PCGF5: variants seen among roughly 807,000 people sequenced by gnomAD.
PCGF5 encodes polycomb group ring finger 5, also known as polycomb group RING finger protein 5.
A neutral mutation model predicts 44.3 loss-of-function variants in PCGF5; 9 were observed. The ratio of observed to expected loss-of-function variants is 0.20; its 90% CI spans 0.12 to 0.35. The LOEUF is 0.35. PCGF5 is among the 10% of genes least tolerant of loss of function. The pLI is 1.00. For missense variants in PCGF5, 146 were observed against 305.3 expected (o/e 0.48, Z 3.89); for synonymous variants, 95 against 102.5 (o/e 0.93, Z 0.44).
chr10:91,247,821 C>T (rs1447238129), intron 3 of PCGF5, among the ~76,000 whole-genome samples: 1 of 152,130 alleles, frequency 6.6e-6, no homozygotes, highest in Non-Finnish European at 1.5e-5. Flanking sequence ...ATGGGCATAT[C>T]AGCTGTTGCT....
At chr10:91,177,684 T>C (rs1371537189) in intron 1 of PCGF5, among the ~76,000 whole-genome samples, 1 of 152,208 alleles carries the variant, frequency 6.6e-6, no homozygotes, top group East Asian at 1.9e-4. Flanking sequence ...CGAGGCTCCA[T>C]AGGCGTAGGA....
chr10:91,166,920 C>T (rs562179989), intron 1 of PCGF5, among the ~76,000 whole-genome samples: 153 of 152,238 alleles, frequency 1.0e-3, no homozygotes, highest in Middle Eastern at 3.4e-3. Flanking sequence ...TTTGTGTGAC[C>T]ATGGGAGCAG....
chr10:91,160,364 G>A (rs753082910), upstream of PCGF5, among the ~76,000 whole-genome samples: 13 of 152,210 alleles, frequency 8.5e-5, no homozygotes, highest in Admixed American at 4.6e-4. Context: ...TAAGAGAACC[G>A]TCAGCAGTGT....
At chr10:91,247,843 A>G (rs1845507476) in intron 3 of PCGF5, among the ~76,000 whole-genome samples, 1 of 152,180 alleles carries the variant, frequency 6.6e-6, no homozygotes, top group Non-Finnish European at 1.5e-5. Context: ...CATAACAGAC[A>G]ACCCCTAAAT....
In PCGF5 at chr10:91,284,141, A is replaced by G. The variant is rs1433946190; in HGVS notation, c.*5825A>G. 6.6e-6 allele frequency: 1 copy of G among 152,374 alleles called. No individual in the cohort carries two copies. Among genetic ancestry groups the G allele is most frequent in the Non-Finnish European group, 1.5e-5 (1 of 67,966 alleles). 9.4% of individuals were successfully genotyped at this position (152,374 alleles called of 1,614,324 possible). A position where few individuals can be genotyped will look rare whatever the true frequency, so the allele number is the denominator to read the frequency against. ...TCTGTTGATCTATGGAATGTTCTGTACAAAGCTGTATAATTGTACTGTTGG... is the reference window on the plus strand; with the variant it reads ...TCTGTTGATCTATGGAATGTTCTGTGCAAAGCTGTATAATTGTACTGTTGG... On this transcript the variant is annotated 3_prime_UTR_variant, in exon 10 of 10. Coordinates refer to ENST00000336126, the MANE Select transcript of PCGF5 (RefSeq NM_032373.5).
At chr10:91,185,784 G>C (rs1049103279) in intron 1 of PCGF5, among the ~76,000 whole-genome samples, 1 of 152,112 alleles carries the variant, frequency 6.6e-6, no homozygotes, top group Non-Finnish European at 1.5e-5. Context: ...GTTTCCTTGG[G>C]TCACACATTC....
chr10:91,187,854 T>TTACTTGTCC (rs1843955349), intron 1 of PCGF5, among the ~76,000 whole-genome samples: 1 of 152,256 alleles, frequency 6.6e-6, no homozygotes, highest in Middle Eastern at 3.4e-3. Context: ...TTCTATACAG[T>TTACTTGTCC]TACTTGTCCT....
At chr10:91,230,512 G>A (rs927300916) in intron 2 of PCGF5, among the ~76,000 whole-genome samples, 3 of 152,052 alleles carry the variant, frequency 2.0e-5, no homozygotes, top group Non-Finnish European at 1.5e-5. Context: ...GAATATATAT[G>A]TATTCATATA....
chr10:91,264,003 C>T (rs1428453279), intron 7 of PCGF5, among the ~76,000 whole-genome samples: 2 of 152,142 alleles, frequency 1.3e-5, no homozygotes, highest in African/African-American at 4.8e-5. Flanking sequence ...CTTCAAATCT[C>T]AGGAAGGTGA....
intron 3 of PCGF5, 101 bp from the exon 4 acceptor site, chr10:91,248,404 A>G: frequency 8.4e-6 from 9 of 1,066,644 alleles, no homozygotes; most frequent in Non-Finnish European, 7.2e-6. Flanking sequence ...AAAATTGTGT[A>G]TGTATTTTGT....
intron 1 of PCGF5, among the ~76,000 whole-genome samples, chr10:91,182,943 TC>T (rs1364475780): frequency 6.6e-6 from 1 of 152,220 alleles, no homozygotes; most frequent in Non-Finnish European, 1.5e-5. Flanking sequence ...AATTTCTTAG[TC>T]TTGAGTTCTA....
intron 2 of PCGF5, among the ~76,000 whole-genome samples, chr10:91,229,844 CAGT>C (rs1844951771): frequency 6.6e-6 from 1 of 152,034 alleles, no homozygotes; most frequent in African/African-American, 2.4e-5. Flanking sequence ...TTTATCATCT[CAGT>C]AGGTGCAAAT....
At chr10:91,225,132 T>TA (rs1844783995) in intron 2 of PCGF5, among the ~76,000 whole-genome samples, 1 of 150,526 alleles carries the variant, frequency 6.6e-6, no homozygotes, top group East Asian at 1.9e-4. Flanking sequence ...ATGTAACTTT[T>TA]AAAAAAAGGA....
chr10:91,194,315 G>A (rs1844087822), intron 1 of PCGF5, among the ~76,000 whole-genome samples: 3 of 152,212 alleles, frequency 2.0e-5, no homozygotes, highest in African/African-American at 4.8e-5. Flanking sequence ...GTCCTTAGAA[G>A]TAGAGTATCT....
chr10:91,246,516 A>G (rs758532963), intron 3 of PCGF5, among the ~76,000 whole-genome samples: 15 of 152,160 alleles, frequency 9.9e-5, no homozygotes, highest in Admixed American at 3.3e-4. Flanking sequence ...GTAGAGAGAA[A>G]TTAGTCCTTG....
At position 91,226,289 on chromosome 10, in the gene PCGF5, TA is replaced by T. The variant is rs66465569; in HGVS notation, c.112+3331del. ...GAAAGAGTAATCAAGTTAAGAAATGTAAAAAAAAAAAAAAAAAAAAAAAAAT... is the reference window on the plus strand; with the variant it reads ...GAAAGAGTAATCAAGTTAAGAAATGTAAAAAAAAAAAAAAAAAAAAAAAAT... On this transcript the variant is annotated intron_variant, in intron 2 of 9. Coordinates refer to ENST00000336126, the MANE Select transcript of PCGF5 (RefSeq NM_032373.5). 1.0e-2 allele frequency among the ~76,000 whole-genome samples: 749 copies of T among 75,130 alleles called. 7 individuals are homozygous for T. The highest frequency in any genetic ancestry group is 0.034 in the African/African-American group (630 of 18,488). 49.3% of individuals were successfully genotyped at this position (75,130 alleles called of 152,430 possible).
At chr10:91,207,893 T>C (rs1340016014) in intron 1 of PCGF5, among the ~76,000 whole-genome samples, 1 of 152,178 alleles carries the variant, frequency 6.6e-6, no homozygotes, top group East Asian at 1.9e-4. Context: ...TAATGTCAGA[T>C]TATCCCATTA....
At chr10:91,273,415 A>C (rs898602923) in intron 9 of PCGF5, among the ~76,000 whole-genome samples, 2 of 152,218 alleles carry the variant, frequency 1.3e-5, no homozygotes, top group Non-Finnish European at 2.9e-5. Flanking sequence ...TCCTTAAACC[A>C]TGATCCAAAG....
chr10:91,220,420 GGT>G (rs1844635499), upstream of PCGF5: 1 of 152,348 alleles, frequency 6.6e-6, no homozygotes, highest in African/African-American at 2.4e-5. Flanking sequence ...AGGGGTGGAC[GGT>G]GAGGATAAGA....
Sources: gnomAD v4.1 joint callset for allele counts (sites outside exome capture counted in the v4.1 genomes callset) on GRCh38, gnomAD v4.1.1 for gene constraint, MANE v1.5 for transcripts, NCBI Gene and HGNC (gene_info 2026-07-23, HGNC 2026-07-21) for gene names.